NAV2: variants seen among roughly 807,000 people sequenced by gnomAD.
NAV2 encodes neuron navigator 2, also known as helicase, APC down-regulated 1.
NAV2 carries 54 observed loss-of-function variants against 223.2 expected under a neutral mutation model. The ratio of observed to expected loss-of-function variants is 0.24; its 90% CI spans 0.19 to 0.30. NAV2 has a LOEUF of 0.30. Among genes scored for constraint, NAV2 ranks in the 10% least tolerant of loss-of-function variants. The pLI, the probability that NAV2 is intolerant of heterozygous loss-of-function variation, is 1.00. For synonymous variants in NAV2, 1,279 were observed against 1,239.3 expected (o/e 1.03, Z -0.67); for missense variants, 2,806 against 3,147.5 (o/e 0.89, Z 2.60).
chr11:19,655,021 C>T (rs1182714569), intron 1 of NAV2, among the ~76,000 whole-genome samples: 1 of 152,154 alleles, frequency 6.6e-6, no homozygotes, highest in Non-Finnish European at 1.5e-5. Context: ...CCAGAATCTA[C>T]AATGAACTCC....
At chr11:19,391,706 G>A (rs544536125) in intron 1 of NAV2, among the ~76,000 whole-genome samples, 23 of 152,090 alleles carry the variant, frequency 1.5e-4, no homozygotes, top group Non-Finnish European at 2.5e-4. Context: ...GAACTGGGGG[G>A]GATGGATTTC....
chr11:19,435,368 C>T (rs1055397861), intron 1 of NAV2, among the ~76,000 whole-genome samples: 1 of 151,958 alleles, frequency 6.6e-6, no homozygotes, highest in East Asian at 1.9e-4. Flanking sequence ...GGCATAATGT[C>T]CTCTAGGTTC....
intron 1 of NAV2, among the ~76,000 whole-genome samples, chr11:19,731,365 T>C (rs2051754374): frequency 6.6e-6 from 1 of 152,232 alleles, no homozygotes; most frequent in Non-Finnish European, 1.5e-5. Flanking sequence ...TGGGATACAA[T>C]TGCAGTTGGT....
intron 1 of NAV2, among the ~76,000 whole-genome samples, chr11:19,650,479 G>T (rs998136983): frequency 3.3e-5 from 5 of 152,134 alleles, no homozygotes; most frequent in Admixed American, 6.5e-5. Context: ...AATTCCTGTT[G>T]TTTTAAGCCT....
intron 11 of NAV2, among the ~76,000 whole-genome samples, chr11:19,999,663 A>G (rs2249718): frequency 0.17 from 25,873 of 151,980 alleles, 2,478 homozygotes; most frequent in Admixed American, 0.25. Flanking sequence ...GAGTCACCGC[A>G]CTGGGCCAGG....
intron 10 of NAV2, among the ~76,000 whole-genome samples, chr11:19,974,482 C>T (rs748601664): frequency 2.6e-5 from 4 of 152,194 alleles, no homozygotes; most frequent in Admixed American, 1.3e-4. Flanking sequence ...ATGAACCACA[C>T]TAATACAAAA....
At chr11:20,064,124 T>C (rs1471921928) in intron 20 of NAV2, among the ~76,000 whole-genome samples, 1 of 152,192 alleles carries the variant, frequency 6.6e-6, no homozygotes, top group East Asian at 1.9e-4. Context: ...TTTTAAGCCA[T>C]CATCTGCTAA....
intron 1 of NAV2, among the ~76,000 whole-genome samples, chr11:19,783,529 A>G (rs2056893271): frequency 6.6e-6 from 1 of 152,144 alleles, no homozygotes; most frequent in African/African-American, 2.4e-5. Context: ...CCTGACAGGC[A>G]GTAGTATGAA....
At chr11:19,659,312 A>T (rs1408036373) in intron 1 of NAV2, among the ~76,000 whole-genome samples, 1 of 152,200 alleles carries the variant, frequency 6.6e-6, no homozygotes, top group Non-Finnish European at 1.5e-5. Context: ...TGCTGAGGCC[A>T]GTTCAGATGG....
At chr11:19,639,848 A>G (rs1344247237) in intron 1 of NAV2, among the ~76,000 whole-genome samples, 3 of 152,194 alleles carry the variant, frequency 2.0e-5, no homozygotes, top group Non-Finnish European at 4.4e-5. Flanking sequence ...AGTGGAGAAA[A>G]TGTGGGGATA....
chr11:19,369,289 A>G (rs1407397809), intron 1 of NAV2, among the ~76,000 whole-genome samples: 3 of 152,228 alleles, frequency 2.0e-5, no homozygotes, highest in African/African-American at 7.2e-5. Context: ...TGCATAGCAC[A>G]TTGGAACGAC....
At chr11:19,379,592 C>T (rs1848764111) in intron 1 of NAV2, among the ~76,000 whole-genome samples, 1 of 152,158 alleles carries the variant, frequency 6.6e-6, no homozygotes, top group Admixed American at 6.5e-5. Context: ...CCTTAGATTA[C>T]TGACACCTGC....
intron 1 of NAV2, among the ~76,000 whole-genome samples, chr11:19,763,753 G>A (rs1031538390): frequency 6.6e-6 from 1 of 151,938 alleles, no homozygotes; most frequent in East Asian, 1.9e-4. Flanking sequence ...TATCACTGAA[G>A]TGGAAAAAGA....
intron 3 of NAV2, among the ~76,000 whole-genome samples, chr11:19,848,482 C>T (rs999817397): frequency 6.6e-6 from 1 of 152,140 alleles, no homozygotes; most frequent in Non-Finnish European, 1.5e-5. Flanking sequence ...TCTGTGAAGT[C>T]GGATTAGGTC....
chr11:19,834,653 G>T lies in NAV2; in HGVS notation c.385+2052G>T, dbSNP rs932405630. ...CAGCAGAATCACATTATGCATGTGGGCCTACTTTGACTGAGTTTTGCAGCT... is the reference window on the plus strand; with the variant it reads ...CAGCAGAATCACATTATGCATGTGGTCCTACTTTGACTGAGTTTTGCAGCT... On this transcript the variant is annotated intron_variant, in intron 2 of 37. Transcript: ENST00000349880. Among the ~76,000 whole-genome samples, 8 of 152,042 alleles carry T rather than the reference G, an allele frequency of 5.3e-5. No homozygotes were observed. In the South Asian group the frequency reaches 1.7e-3, roughly 32 times the overall value.
intron 1 of NAV2, chr11:19,504,424 A>G (rs1027921913): frequency 3.3e-5 from 5 of 152,232 alleles, no homozygotes; most frequent in Admixed American, 3.3e-4. Flanking sequence ...CTGATGGAAG[A>G]GGGAAACTTA....
At chr11:19,978,829 C>T (rs2050046106) in intron 10 of NAV2, 1 of 152,182 alleles carries the variant, frequency 6.6e-6, no homozygotes, top group African/African-American at 2.4e-5. Flanking sequence ...CCATGTTGAA[C>T]TGTGAACTTT....
chr11:19,403,551 C>T (rs781065861), intron 1 of NAV2, among the ~76,000 whole-genome samples: 6 of 152,140 alleles, frequency 3.9e-5, no homozygotes, highest in Non-Finnish European at 5.9e-5. Flanking sequence ...TAGCGGCACA[C>T]GATGTGGGGA....
At chr11:19,471,531 A>T (rs957819968) in intron 1 of NAV2, among the ~76,000 whole-genome samples, 2 of 152,148 alleles carry the variant, frequency 1.3e-5, no homozygotes, top group Non-Finnish European at 2.9e-5. Flanking sequence ...TGCTATTACC[A>T]TCACAATCTT....
Sources: gnomAD v4.1 joint callset for allele counts (sites outside exome capture counted in the v4.1 genomes callset) on GRCh38, gnomAD v4.1.1 for gene constraint, MANE v1.5 for transcripts, NCBI Gene and HGNC (gene_info 2026-07-23, HGNC 2026-07-21) for gene names.